Variants in ARHGAP25 observed in about 807,000 individuals in gnomAD.
The protein encoded by ARHGAP25 is Rho GTPase activating protein 25.
ARHGAP25 carries 34 observed loss-of-function variants against 71.0 expected under a neutral mutation model. The observed-to-expected ratio is 0.48, with a 90% confidence interval of 0.36 to 0.64. The LOEUF (loss-of-function observed/expected upper bound fraction) is 0.64. Among genes scored for constraint, ARHGAP25 ranks in the 30% least tolerant of loss-of-function variants. The probability of loss-of-function intolerance (pLI) is 0.00; values close to 1 mark genes in which losing one functional copy is unlikely to be tolerated. For synonymous variants in ARHGAP25, 282 were observed against 296.5 expected, an observed-to-expected ratio of 0.95 and a Z score of 0.50; for missense variants, 706 against 805.1, an observed-to-expected ratio of 0.88 and a Z score of 1.49.
At chr2:68,771,699 A>G (rs926283881) in intron 1 of ARHGAP25, among the ~76,000 whole-genome samples, 2 of 152,122 alleles carry the variant, frequency 1.3e-5, no homozygotes, top group African/African-American at 4.8e-5. Flanking sequence ...CTGTCTCCCT[A>G]CCCTCAGGGT....
rs1573373798 is a variant in ARHGAP25, at chr2:68,718,549, G to A, written c.-18+7851G>A. ...TATATAAGTGTGTGTGTGTGTGTGT[G>A]TATGTATAGATAGATAAATAGATAG... On this transcript the variant is annotated intron_variant and NMD_transcript_variant, in intron 2 of 7. Transcript: ENST00000463483. Among the ~76,000 whole-genome samples, 3 of 142,472 alleles carry A rather than the reference G, an allele frequency of 2.1e-5. No homozygotes were observed. In the South Asian group the frequency reaches 6.7e-4, roughly 32 times the overall value. The allele number at this position is 142,472 out of a possible 152,430, so 93.5% of individuals were successfully genotyped here.
At chr2:68,782,427 A>C in intron 3 of ARHGAP25, 107 bp downstream of exon 3, 3 of 964,944 alleles carry the variant, frequency 3.1e-6, no homozygotes, top group Non-Finnish European at 4.9e-6. Flanking sequence ...TCAACTAACT[A>C]ACCAACCAGC....
At chr2:68,790,973 A>G (rs1189886095) in intron 4 of ARHGAP25, among the ~76,000 whole-genome samples, 1 of 152,042 alleles carries the variant, frequency 6.6e-6, no homozygotes, top group Non-Finnish European at 1.5e-5. Flanking sequence ...CAGCCTCCTC[A>G]AACATCCTAC....
chr2:68,730,539 G>T (rs923765022), upstream of ARHGAP25, among the ~76,000 whole-genome samples: 3 of 151,804 alleles, frequency 2.0e-5, no homozygotes, highest in African/African-American at 7.3e-5. Flanking sequence ...AGTCCCACCT[G>T]CTCCATAGGC....
At chr2:68,788,046 G>T in intron 4 of ARHGAP25, 90 bp downstream of exon 4, 1 of 1,006,652 alleles carries the variant, frequency 9.9e-7, no homozygotes, top group Non-Finnish European at 1.6e-6. Context: ...CTTGAGCAGT[G>T]CTCAAGGGAG....
At chr2:68,808,633 A>G (rs1680553201) in intron 5 of ARHGAP25, among the ~76,000 whole-genome samples, 1 of 152,240 alleles carries the variant, frequency 6.6e-6, no homozygotes, top group Admixed American at 6.5e-5. Context: ...CATCAAACAC[A>G]GGGACCTTTC....
intron 2 of ARHGAP25, among the ~76,000 whole-genome samples, chr2:68,723,422 T>C (rs1249854132): frequency 3.3e-5 from 5 of 152,220 alleles, no homozygotes; most frequent in Non-Finnish European, 7.3e-5. Context: ...AGTCCATCTC[T>C]GTGTCACATA....
intron 10 of ARHGAP25, among the ~76,000 whole-genome samples, chr2:68,824,762 A>G (rs892657105): frequency 6.6e-6 from 1 of 152,166 alleles, no homozygotes; most frequent in Admixed American, 6.5e-5. Context: ...AAAGGAAAAA[A>G]AAAAGATGGA....
At chr2:68,760,399 T>A (rs1406222519) in intron 1 of ARHGAP25, among the ~76,000 whole-genome samples, 1 of 152,022 alleles carries the variant, frequency 6.6e-6, no homozygotes, top group African/African-American at 2.4e-5. Context: ...AGTACACTTA[T>A]CTCTATTTAG....
At chr2:68,725,101 A>G (rs1267794075) in intron 2 of ARHGAP25, among the ~76,000 whole-genome samples, 3 of 152,108 alleles carry the variant, frequency 2.0e-5, no homozygotes, top group Non-Finnish European at 2.9e-5. Flanking sequence ...CAGTGCCCTG[A>G]CTAGACTCCA....
At chr2:68,786,730 G>A (rs918651444) in intron 3 of ARHGAP25, among the ~76,000 whole-genome samples, 1 of 152,154 alleles carries the variant, frequency 6.6e-6, no homozygotes, top group African/African-American at 2.4e-5. Context: ...AGGTCCAAGA[G>A]ACCAGAACCA....
chr2:68,741,124 A>T (rs945928462), intron 1 of ARHGAP25, among the ~76,000 whole-genome samples: 3 of 152,234 alleles, frequency 2.0e-5, no homozygotes, highest in Non-Finnish European at 4.4e-5. Flanking sequence ...AGATCAGACT[A>T]GAAGCTGTAC....
chr2:68,757,234 G>A (rs1352238326), intron 1 of ARHGAP25, among the ~76,000 whole-genome samples: 2 of 152,038 alleles, frequency 1.3e-5, no homozygotes, highest in Non-Finnish European at 2.9e-5. Flanking sequence ...AAAGAGAGAA[G>A]GGTGCAGAGA....
In ARHGAP25 at chr2:68,806,631, G is replaced by A. The variant is rs932799126; in HGVS notation, c.467-642G>A. On this transcript the variant is annotated intron_variant, in intron 4 of 10. Coordinates refer to ENST00000409202, the MANE Select transcript of ARHGAP25 (RefSeq NM_001007231.3). The stretch of plus-strand genomic sequence containing the variant: ...GATGACTCACATCTTAGGCTGGACC[G>A]AGCGGGACCGCGAGAGATTTCATCA... Among the ~76,000 whole-genome samples, 5 of 152,364 alleles carry A rather than the reference G, an allele frequency of 3.3e-5. No individual in the cohort carries two copies. In the East Asian group the frequency reaches 7.7e-4, roughly 23 times the overall value.
At chr2:68,808,508 C>T (rs1047105235) in intron 5 of ARHGAP25, among the ~76,000 whole-genome samples, 1 of 152,184 alleles carries the variant, frequency 6.6e-6, no homozygotes, top group Non-Finnish European at 1.5e-5. Context: ...GTAGTTTGGA[C>T]AACCATAGGG....
chr2:68,717,373 T>C (rs554281782), intron 2 of ARHGAP25, among the ~76,000 whole-genome samples: 20 of 152,302 alleles, frequency 1.3e-4, no homozygotes, highest in African/African-American at 4.3e-4. Flanking sequence ...AAAGGCACAG[T>C]ATGGGAGAAG....
upstream of ARHGAP25, among the ~76,000 whole-genome samples, chr2:68,734,523 T>C (rs1675111990): frequency 6.6e-6 from 1 of 152,198 alleles, no homozygotes; most frequent in African/African-American, 2.4e-5. Context: ...GGAATGCTTG[T>C]TGTTTTTCTG....
chr2:68,792,543 G>A (rs1466722983), intron 4 of ARHGAP25, among the ~76,000 whole-genome samples: 5 of 152,130 alleles, frequency 3.3e-5, no homozygotes, highest in Non-Finnish European at 7.3e-5. Context: ...ACTTAAAAAT[G>A]GCTTCTAGTT....
At chr2:68,748,429 C>T (rs1005139821) in intron 1 of ARHGAP25, among the ~76,000 whole-genome samples, 2 of 152,202 alleles carry the variant, frequency 1.3e-5, no homozygotes, top group South Asian at 2.1e-4. Context: ...GTGCCTGAAA[C>T]GATCTCATTC....
Sources: gnomAD v4.1 joint callset for allele counts (sites outside exome capture counted in the v4.1 genomes callset) on GRCh38, gnomAD v4.1.1 for gene constraint, MANE v1.5 for transcripts, NCBI Gene and HGNC (gene_info 2026-07-23, HGNC 2026-07-21) for gene names.